Variants in ALDH3B1 observed in about 807,000 individuals in gnomAD.
The protein encoded by ALDH3B1 is aldehyde dehydrogenase family 3 member B1.
In ALDH3B1, 37 loss-of-function variants were observed where a neutral mutation model predicts 46.2. The observed-to-expected ratio is 0.80, with a 90% CI of 0.62 to 1.05. The LOEUF (loss-of-function observed/expected upper bound fraction) is 1.05, where lower values mean the gene tolerates loss of function less well. Ranked by LOEUF, ALDH3B1 falls within the 50% of genes least tolerant of loss-of-function variation. The pLI, the probability that ALDH3B1 is intolerant of heterozygous loss-of-function variation, is 0.00. For missense variants in ALDH3B1, 603 were observed against 665.5 expected, an observed-to-expected ratio of 0.91 and a Z score of 1.03; for synonymous variants, 283 against 281.0, an observed-to-expected ratio of 1.01 and a Z score of -0.07.
At chr11:68,019,097 C>A (rs1857424626) in intron 4 of ALDH3B1, 73 bp from the exon 5 acceptor site, 3 of 1,518,346 alleles carry the variant, frequency 2.0e-6, no homozygotes, top group African/African-American at 1.4e-5. Flanking sequence ...GAGGCTGATG[C>A]CTGCCCTGCA....
At chr11:68,009,815 G>A (rs1175133605), upstream of ALDH3B1, among the ~76,000 whole-genome samples, 1 of 151,920 alleles carries the variant, frequency 6.6e-6, no homozygotes, top group Admixed American at 6.6e-5. Context: ...CTTTCCTCCT[G>A]TCTTGTAAAC....
chr11:68,023,754 T>C (rs940520604), intron 8 of ALDH3B1, among the ~76,000 whole-genome samples: 1 of 151,610 alleles, frequency 6.6e-6, no homozygotes, highest in Admixed American at 6.6e-5. Flanking sequence ...AAAAAAGTGA[T>C]GGCAGGGCTG....
At position 68,028,228 on chromosome 11, in the gene ALDH3B1, C is replaced by T; in HGVS notation, c.*289C>T. The T allele has an allele frequency of 3.4e-6, 2 of 588,462 alleles. No individual in the cohort carries two copies. The highest frequency in any genetic ancestry group is 4.4e-5 in the Admixed American group (2 of 45,902). 36.5% of individuals were successfully genotyped at this position (588,462 alleles called of 1,614,324 possible). On this transcript the variant is annotated 3_prime_UTR_variant, in exon 10 of 10. Transcript: ENST00000342456. Reference sequence around the variant, plus strand: ...CCCATATTCAGGAGAAGAGGACAGACACGGCACCTCTGAGTCACCCCTCTC... The same window carrying T: ...CCCATATTCAGGAGAAGAGGACAGATACGGCACCTCTGAGTCACCCCTCTC...
At chr11:68,025,070 G>GT (rs1857589917) in intron 8 of ALDH3B1, 2 of 152,186 alleles carry the variant, frequency 1.3e-5, no homozygotes, top group African/African-American at 4.8e-5. Flanking sequence ...CTCTACAGAG[G>GT]TTTTTTGACA....
intron 7 of ALDH3B1, 32 bp downstream of exon 7, chr11:68,021,903 T>C: frequency 6.4e-7 from 1 of 1,562,568 alleles, no homozygotes; most frequent in Non-Finnish European, 8.7e-7. Flanking sequence ...ACAGCCCACC[T>C]GGGCCAAGAC....
chr11:68,010,161 T>C (rs1857199461), upstream of ALDH3B1, among the ~76,000 whole-genome samples: 1 of 152,140 alleles, frequency 6.6e-6, no homozygotes, highest in Non-Finnish European at 1.5e-5. Context: ...CCTCTGGGCG[T>C]TGACTTCTTC....
intron 6 of ALDH3B1, among the ~76,000 whole-genome samples, chr11:68,020,523 C>T (rs148517108): frequency 5.3e-4 from 81 of 152,336 alleles, no homozygotes; most frequent in African/African-American, 1.9e-3. Context: ...GCATGAGCCA[C>T]CACACCCGGC....
intron 9 of ALDH3B1, 114 bp from the exon 10 acceptor site, chr11:68,027,635 T>C: frequency 8.7e-7 from 1 of 1,146,082 alleles, no homozygotes; most frequent in Non-Finnish European, 1.2e-6. Flanking sequence ...ATCAGCCCAC[T>C]GGACAGATGG....
chr11:68,028,001 C>T lies in ALDH3B1; in HGVS notation c.*62C>T, dbSNP rs932530075. ...AGCTGTCGCCTGCGGCTGGTGGAGA[C>T]GGGGCCTGGGCTCCCGGGCCCGAGG... On this transcript the variant is annotated 3_prime_UTR_variant, in exon 10 of 10. Transcript: ENST00000342456. 115 of 1,561,698 alleles carry T rather than the reference C, an allele frequency of 7.4e-5. No homozygotes were observed. The highest frequency in any genetic ancestry group is 1.7e-4 in the Middle Eastern group (1 of 6,024).
chr11:68,019,301 A>C, intron 5 of ALDH3B1, 46 bp downstream of exon 5: 508 of 1,550,886 alleles, frequency 3.3e-4, no homozygotes, highest in Non-Finnish European at 4.1e-4. Flanking sequence ...GGCAAGGCTC[A>C]AGGGCTGGGC....
At chr11:68,009,547 G>C (rs541796510), upstream of ALDH3B1, among the ~76,000 whole-genome samples, 6 of 152,362 alleles carry the variant, frequency 3.9e-5, no homozygotes, top group East Asian at 7.7e-4. Context: ...ACAACTTTAA[G>C]GGGTCCACGT....
Position 68,019,057 on chromosome 11 carries a change from C to T in ALDH3B1, c.395-113C>T, listed in dbSNP as rs1857423969. 1.5e-5 allele frequency: 22 copies of T among 1,459,196 alleles called. No individual in the cohort carries two copies. The East Asian group carries it at 5.4e-4, about 36-fold the overall frequency. The allele number at this position is 1,459,196 out of a possible 1,614,324, so 90.4% of individuals were successfully genotyped here. ...GCCCTGGGCCCGTCATGTTACCTCT[C>T]TGAACCAGGTTCTGCATCTGAAAGT... On this transcript the variant is annotated intron_variant, in intron 4 of 9. Transcript: ENST00000342456.
intron 2 of ALDH3B1, chr11:68,016,808 C>T (rs3751084): frequency 0.26 from 39,746 of 152,428 alleles, 5,810 homozygotes; most frequent in African/African-American, 0.4. Flanking sequence ...TGCCACCGGC[C>T]GCCTGCCGGC....
intron 8 of ALDH3B1, among the ~76,000 whole-genome samples, chr11:68,023,636 G>A (rs1343604477): frequency 6.6e-6 from 1 of 151,330 alleles, no homozygotes; most frequent in Non-Finnish European, 1.5e-5. Flanking sequence ...ACTTTGTATT[G>A]GGAAATACTT....
chr11:68,015,063 C>T (rs1857314788), intron 1 of ALDH3B1: 1 of 447,158 alleles, frequency 2.2e-6, no homozygotes, highest in Non-Finnish European at 3.9e-6. Context: ...GGGAGTGGTG[C>T]GAGGGTCTTC....
chr11:68,026,096 T>G lies in ALDH3B1; in HGVS notation c.1204T>G (p.Phe402Val), dbSNP rs1341324226. Residue 402 changes from phenylalanine to valine, a missense_variant, in exon 9 of 10, where the codon TTT becomes GTT. Transcript: ENST00000342456. ...GCACATGACCCTGGCCAGCCTGCCT[T>G]TTGGAGGAGTGGGTAGGTGCCTGCT... is the stretch of plus-strand genomic sequence containing the variant. Reference protein sequence around the residue: ...FMHMTLASLPFGGVGASGMGR... With the variant: ...FMHMTLASLPVGGVGASGMGR... The G allele has an allele frequency of 3.7e-6, 6 of 1,604,018 alleles. No homozygotes were observed. Among genetic ancestry groups the G allele is most frequent in the East Asian group, 2.3e-5 (1 of 44,104 alleles).
intron 1 of ALDH3B1, among the ~76,000 whole-genome samples, chr11:68,013,023 C>T (rs909755278): frequency 1.2e-4 from 18 of 152,030 alleles, no homozygotes; most frequent in African/African-American, 4.1e-4. Context: ...ATGAGTGCCG[C>T]GGGGGTGGGC....
chr11:68,019,275 A>C lies in ALDH3B1; in HGVS notation c.480+20A>C. The C allele has an allele frequency of 6.2e-7, 1 of 1,607,094 alleles. No homozygotes were observed. The highest frequency in any genetic ancestry group is 1.1e-5 in the South Asian group (1 of 89,676). Reference sequence around the variant, plus strand: ...GACCAGGTGAGCAGGGCTGCCGGGCAGGTAGAGCGGGAACAGGCAAGGCTC... The same window carrying C: ...GACCAGGTGAGCAGGGCTGCCGGGCCGGTAGAGCGGGAACAGGCAAGGCTC... On this transcript the variant is annotated intron_variant, in intron 5 of 9. Coordinates refer to ENST00000342456, the MANE Select transcript of ALDH3B1 (RefSeq NM_000694.4).
intron 1 of ALDH3B1, among the ~76,000 whole-genome samples, chr11:68,011,861 C>T (rs565618020): frequency 1.2e-4 from 18 of 152,316 alleles, no homozygotes; most frequent in African/African-American, 3.9e-4. Context: ...GAGCACTTCC[C>T]GGGGTCCCAG....
Sources: gnomAD v4.1 joint callset for allele counts (sites outside exome capture counted in the v4.1 genomes callset) on GRCh38, gnomAD v4.1.1 for gene constraint, MANE v1.5 for transcripts, NCBI Gene and HGNC (gene_info 2026-07-23, HGNC 2026-07-21) for gene names.